DTNB: variants seen among roughly 807,000 people sequenced by gnomAD.
DTNB encodes the protein DTN-B.
A neutral mutation model predicts 90.7 loss-of-function variants in DTNB; 63 were observed. The observed-to-expected ratio is 0.69, with a 90% confidence interval of 0.57 to 0.86. The LOEUF (loss-of-function observed/expected upper bound fraction) is 0.86. Ranked by LOEUF, DTNB falls within the 40% of genes least tolerant of loss-of-function variation. The pLI is 0.00. For missense variants in DTNB, 744 were observed against 807.1 expected (o/e 0.92, Z 0.95); for synonymous variants, 277 against 286.7 (o/e 0.97, Z 0.34).
intron 10 of DTNB, among the ~76,000 whole-genome samples, chr2:25,461,483 GGTTT>G (rs1287956715): frequency 1.3e-5 from 2 of 152,032 alleles, no homozygotes; most frequent in African/African-American, 2.4e-5. Context: ...TAACAAACAA[GGTTT>G]GTTTCAGAAA....
chr2:25,393,703 T>C (rs1040517710), intron 16 of DTNB, among the ~76,000 whole-genome samples: 2 of 152,130 alleles, frequency 1.3e-5, no homozygotes, highest in African/African-American at 4.8e-5. Context: ...ATGAAAGACC[T>C]CTATAAGGAA....
At chr2:25,510,860 A>G (rs1426185147) in intron 9 of DTNB, among the ~76,000 whole-genome samples, 1 of 152,188 alleles carries the variant, frequency 6.6e-6, no homozygotes, top group African/African-American at 2.4e-5. Context: ...GGTTTCTGGG[A>G]GCACCACCCA....
intron 1 of DTNB, among the ~76,000 whole-genome samples, chr2:25,672,216 A>G (rs1182759816): frequency 6.9e-6 from 1 of 145,056 alleles, no homozygotes; most frequent in East Asian, 2.0e-4. Context: ...AAAAAAAAAA[A>G]AAAAAAAAAA....
chr2:25,397,486 G>A (rs2042687175), intron 16 of DTNB, among the ~76,000 whole-genome samples: 1 of 152,156 alleles, frequency 6.6e-6, no homozygotes. Flanking sequence ...AGCAGGATAA[G>A]AATCTCTGAG....
Position 25,576,791 on chromosome 2 carries a change from C to T in DTNB, c.876+47G>A, listed in dbSNP as rs1417654943. The T allele has an allele frequency of 4.5e-6, 7 of 1,547,380 alleles. No homozygotes were observed. The Admixed American group carries it at 9.4e-5, about 21-fold the overall frequency. On this transcript the variant is annotated intron_variant, in intron 8 of 20. Coordinates refer to ENST00000406818, the MANE Select transcript of DTNB (RefSeq NM_021907.5). ...AACTGGCCCAGGTGCTGTTACTGAT[C>T]AAACAGATTAACACTCAGGGACACA...
intron 9 of DTNB, 97 bp downstream of exon 9, chr2:25,531,376 A>G: frequency 6.7e-7 from 1 of 1,493,882 alleles, no homozygotes; most frequent in Non-Finnish European, 8.9e-7. Context: ...TGAGAAGTTG[A>G]ATGGTCATGT....
intron 8 of DTNB, among the ~76,000 whole-genome samples, chr2:25,539,912 C>T (rs2080811827): frequency 6.6e-6 from 1 of 152,022 alleles, no homozygotes; most frequent in Admixed American, 6.6e-5. Flanking sequence ...GGAAATAATC[C>T]AATTTTGTCC....
At chr2:25,638,425 A>G (rs973089560) in intron 3 of DTNB, among the ~76,000 whole-genome samples, 3 of 152,252 alleles carry the variant, frequency 2.0e-5, no homozygotes, top group Non-Finnish European at 4.4e-5. Context: ...TTTCCATTGT[A>G]TAAAATACTT....
chr2:25,490,301 C>T (rs77192642), intron 9 of DTNB, among the ~76,000 whole-genome samples: 185 of 151,936 alleles, frequency 1.2e-3, no homozygotes, highest in Non-Finnish European at 2.3e-3. Flanking sequence ...GAATTATAGA[C>T]CACTTTCTCT....
chr2:25,441,804 C>G (rs1161477139), intron 12 of DTNB, among the ~76,000 whole-genome samples: 1 of 50,386 alleles, frequency 2.0e-5, no homozygotes, highest in East Asian at 4.0e-4. Flanking sequence ...TAAGGAAGAA[C>G]CAGAAATTTT....
rs186775966 is a variant in DTNB at position 25,477,626 on chromosome 2, T to A, written c.1079+5170A>T. Among the ~76,000 whole-genome samples, 42 of 152,308 alleles carry A rather than the reference T, an allele frequency of 2.8e-4. 1 individual carries two copies. The East Asian group carries it at 7.7e-3, about 28-fold the overall frequency. On this transcript the variant is annotated intron_variant, in intron 10 of 20. Transcript: ENST00000406818. ...AACAAAACAGAATAGAAATAATTAT[T>A]TCTATTTTTGAGAGAATATTATTTG...
chr2:25,415,068 C>T (rs76007619), intron 16 of DTNB, among the ~76,000 whole-genome samples: 2,053 of 152,174 alleles, frequency 0.013, 48 homozygotes, highest in African/African-American at 0.047. Context: ...ACTGATGCCA[C>T]GCAAAGCACC....
chr2:25,673,130 AC>A lies in DTNB; in HGVS notation c.-2+255del, dbSNP rs1559469134. Among the ~76,000 whole-genome samples the A allele has an allele frequency of 2.9e-4, 44 of 149,474 alleles. No homozygotes were observed. In the South Asian group the frequency reaches 9.4e-3, roughly 32 times the overall value. On this transcript the variant is annotated intron_variant, in intron 1 of 20. Transcript: ENST00000406818. The stretch of plus-strand genomic sequence containing the variant: ...GCCCCGGCGCGTTCCGGACCCCGAT[AC>A]CCCTCCCGGCCCGGGATCCGCCGCA...
At chr2:25,631,574 A>C (rs75911506) in intron 3 of DTNB, among the ~76,000 whole-genome samples, 2 of 138,796 alleles carry the variant, frequency 1.4e-5, no homozygotes, top group African/African-American at 2.7e-5. Flanking sequence ...CCCTGTGGTC[A>C]AAAAAAAAAA....
chr2:25,482,854 T>C lies in DTNB; in HGVS notation c.1021A>G (p.Asn341Asp). Residue 341 changes from asparagine (N) to aspartate (D), a missense_variant, in exon 10 of 21, where the codon AAT becomes GAT. Physicochemically the swap from Asn to Asp is conservative, Grantham distance 23. Transcript: ENST00000406818. ...TGGCTAACCATGGTGTCATTCATAT[T>C]AGTCAGAGGGCGAGGAGGACTGAAA... Reference protein sequence around the residue: ...AHIVPPRPLTNMNDTMVSHMS... With the variant: ...AHIVPPRPLTDMNDTMVSHMS... 1.2e-6 allele frequency: 2 copies of C among 1,611,242 alleles called. No individual in the cohort carries two copies. Among genetic ancestry groups the C allele is most frequent in the Non-Finnish European group, 1.7e-6 (2 of 1,179,130 alleles).
chr2:25,525,647 G>GA (rs920882321), intron 9 of DTNB, among the ~76,000 whole-genome samples: 18 of 149,168 alleles, frequency 1.2e-4, no homozygotes, highest in East Asian at 2.0e-4. Flanking sequence ...AAAAAAAAAA[G>GA]AAAAAAAAAT....
intron 7 of DTNB, among the ~76,000 whole-genome samples, chr2:25,577,411 T>C (rs1400274024): frequency 6.6e-6 from 1 of 151,782 alleles, no homozygotes; most frequent in Non-Finnish European, 1.5e-5. Flanking sequence ...CATTCCAGCC[T>C]GGGCGACAGA....
intron 9 of DTNB, among the ~76,000 whole-genome samples, chr2:25,526,375 AT>A (rs2077104972): frequency 2.0e-5 from 1 of 49,252 alleles, no homozygotes; most frequent in African/African-American, 1.3e-4. Context: ...ATATATATAT[AT>A]ATATATATAT....
At position 25,432,206 on chromosome 2, in the gene DTNB, TACACACACACACACACACACACACAC is replaced by T. The variant is rs60610400; in HGVS notation, c.1457+654_1457+679del. On this transcript the variant is annotated intron_variant, in intron 14 of 20. Coordinates refer to ENST00000406818, the MANE Select transcript of DTNB (RefSeq NM_021907.5). Reference sequence around the variant, plus strand: ...ATGTCTTAACTTACAGAAGAGTGCGTACACACACACACACACACACACACACACACACACACACCCCTTTCTAAGGC... The same window carrying T: ...ATGTCTTAACTTACAGAAGAGTGCGTACACACACACACCCCTTTCTAAGGC... 3.1e-4 allele frequency among the ~76,000 whole-genome samples: 45 copies of T among 146,432 alleles called. 1 individual carries two copies. The highest frequency in any genetic ancestry group is 5.3e-4 in the Non-Finnish European group (35 of 66,480).
Sources: gnomAD v4.1 joint callset for allele counts (sites outside exome capture counted in the v4.1 genomes callset) on GRCh38, gnomAD v4.1.1 for gene constraint, MANE v1.5 for transcripts, NCBI Gene and HGNC (gene_info 2026-07-23, HGNC 2026-07-21) for gene names.